The following P2RX3 variants were observed in gnomAD, a reference collection of about 807,000 sequenced individuals.
P2RX3 encodes purinergic receptor P2X 3.
In P2RX3, 41 loss-of-function variants were observed where a neutral mutation model predicts 51.5. The observed-to-expected ratio is 0.80, with a 90% CI of 0.62 to 1.03. The LOEUF (loss-of-function observed/expected upper bound fraction) is 1.03, where lower values mean the gene tolerates loss of function less well. Among genes scored for constraint, P2RX3 ranks in the 50% least tolerant of loss-of-function variants. The pLI is 0.00. For synonymous variants in P2RX3, 185 were observed against 191.6 expected, an observed-to-expected ratio of 0.97 and a Z score of 0.29; for missense variants, 459 against 522.1, an observed-to-expected ratio of 0.88 and a Z score of 1.18.
At chr11:57,340,505 A>G (rs1271034381) in intron 1 of P2RX3, 1 of 152,358 alleles carries the variant, frequency 6.6e-6, no homozygotes, top group African/African-American at 2.4e-5. Flanking sequence ...ATCTCCGTGT[A>G]TGTGAACCCA....
rs369727026 is a variant in P2RX3 at position 57,346,723 on chromosome 11, T to C, written c.255+44T>C. The stretch of plus-strand genomic sequence containing the variant: ...GAGAGGCATGTGGATGTCCAGACAC[T>C]GGGCAGGTTGGAAGGGAGAAAGCGA... On this transcript the variant is annotated intron_variant, in intron 2 of 11. Coordinates refer to ENST00000263314, the MANE Select transcript of P2RX3 (RefSeq NM_002559.5). 7 of 1,604,554 alleles carry C rather than the reference T, an allele frequency of 4.4e-6. No individual in the cohort carries two copies. In the African/African-American group the frequency reaches 8.0e-5, roughly 18 times the overall value.
intron 2 of P2RX3, among the ~76,000 whole-genome samples, 185 bp downstream of exon 2, chr11:57,346,864 A>G (rs2134415113): frequency 6.6e-6 from 1 of 152,374 alleles, no homozygotes; most frequent in Middle Eastern, 3.4e-3. Flanking sequence ...GCTGGGCATC[A>G]GGAAAGCTGG....
chr11:57,369,461 T>C, intron 11 of P2RX3, 23 bp downstream of exon 11: 3 of 1,596,980 alleles, frequency 1.9e-6, no homozygotes, highest in Non-Finnish European at 2.6e-6. Context: ...AGGGGCACCC[T>C]TGGATAAAAG....
At chr11:57,345,782 A>G (rs1293642537) in intron 1 of P2RX3, among the ~76,000 whole-genome samples, 1 of 152,158 alleles carries the variant, frequency 6.6e-6, no homozygotes, top group Non-Finnish European at 1.5e-5. Flanking sequence ...ATTATGGCTT[A>G]AAGCTGTAGG....
rs146469943 is a variant in P2RX3, at chr11:57,347,431, G to T, written c.344G>T (p.Arg115Leu). The T allele has an allele frequency of 4.5e-6, 7 of 1,559,602 alleles. No homozygotes were observed. The highest frequency in any genetic ancestry group is 6.1e-6 in the Non-Finnish European group (7 of 1,151,324). The change falls in exon 4 of 12, where the codon CGC becomes CTC. Residue 115 changes from arginine to leucine, a missense_variant. Transcript: ENST00000263314. ...GFCPESEEKY[R>L]CVSDSQCGPE... is the part of the protein sequence containing the mutation. ...TGCCCACAGAGTGAGGAGAAATACC[G>T]CTGTGTATCAGACAGCCAGTGCGGG...
At chr11:57,367,958 C>T (rs1364090026) in intron 8 of P2RX3, 51 bp from the exon 9 acceptor site, 1 of 1,445,910 alleles carries the variant, frequency 6.9e-7, no homozygotes. Flanking sequence ...AAGGTTCAGG[C>T]AGGAGAGACA....
intron 11 of P2RX3, 47 bp from the exon 12 acceptor site, chr11:57,369,837 C>A: frequency 7.5e-7 from 1 of 1,334,564 alleles, no homozygotes; most frequent in Non-Finnish European, 1.1e-6. Context: ...CAAAAGAGGA[C>A]ATTGCCCATA....
chr11:57,337,891 A>T (rs1856265109), upstream of P2RX3, among the ~76,000 whole-genome samples: 1 of 152,290 alleles, frequency 6.6e-6, no homozygotes, highest in African/African-American at 2.4e-5. Flanking sequence ...CTACAGGTAG[A>T]GCGAAGCTCA....
intron 10 of P2RX3, among the ~76,000 whole-genome samples, chr11:57,369,053 C>T (rs1262397274): frequency 6.6e-6 from 1 of 152,150 alleles, no homozygotes; most frequent in Admixed American, 6.5e-5. Context: ...CATGATAGCC[C>T]ATTAATCCAT....
At chr11:57,367,295 C>T (rs1856811962) in intron 8 of P2RX3, among the ~76,000 whole-genome samples, 1 of 152,176 alleles carries the variant, frequency 6.6e-6, no homozygotes, top group African/African-American at 2.4e-5. Flanking sequence ...GCGGCAGAGC[C>T]AGGCTTTGAG....
Position 57,369,373 on chromosome 11 carries a change from TG to T in P2RX3, c.1016del (p.Cys339LeufsTer23). On this transcript the variant is annotated frameshift_variant, in exon 11 of 12. Transcript: ENST00000263314. LOFTEE classifies it high-confidence loss of function. ...TCTCCTCCTCCAGGGAACTGTTCTC[TG>T]TGACATCATCCTGCTCAACTTCCTC... ...FTSVGVGTVL[C>X]DIILLNFLKG... 1.2e-6 allele frequency: 2 copies of T among 1,610,380 alleles called. No homozygotes were observed. The highest frequency in any genetic ancestry group is 8.5e-7 in the Non-Finnish European group (1 of 1,178,530).
At position 57,350,775 on chromosome 11, in the gene P2RX3, G is replaced by A. The variant is rs1265080398; in HGVS notation, c.719G>A (p.Gly240Asp). ...CCGTTTCTTCAGGGGGGAGTTCTGG[G>A]CATTAAGATCGGCTGGGTGTGCGAC... is the stretch of plus-strand genomic sequence containing the variant. ...AKLARTGGVL[G>D]IKIGWVCDLD... The change falls in exon 8 of 12, where the codon GGC (glycine) becomes GAC (aspartate). Residue 240 changes from glycine to aspartate, a missense_variant. Gly to Asp is a moderately conservative substitution (Grantham distance 94, BLOSUM62 -1). Coordinates refer to ENST00000263314, the MANE Select transcript of P2RX3 (RefSeq NM_002559.5). 2.5e-6 allele frequency: 4 copies of A among 1,613,914 alleles called. No individual in the cohort carries two copies. The highest frequency in any genetic ancestry group is 1.6e-4 in the Middle Eastern group (1 of 6,062).
Position 57,338,487 on chromosome 11 carries a change from G to C in P2RX3, c.-64G>C. 8.6e-7 allele frequency: 1 copy of C among 1,164,668 alleles called. No individual in the cohort carries two copies. The highest frequency in any genetic ancestry group is 1.3e-6 in the Non-Finnish European group (1 of 797,288). The allele number at this position is 1,164,668 out of a possible 1,614,324, so 72.1% of individuals were successfully genotyped here. ...GTGATCTCGTCTCCCTGTCCTGTAG[G>C]ACCTCCCTCTCCTGAGGCCACCACT... is the stretch of plus-strand genomic sequence containing the variant. On this transcript the variant is annotated 5_prime_UTR_variant, in exon 1 of 12. Transcript: ENST00000263314.
At chr11:57,336,979 G>A (rs1317564937), upstream of P2RX3, among the ~76,000 whole-genome samples, 4 of 152,122 alleles carry the variant, frequency 2.6e-5, no homozygotes, top group Non-Finnish European at 4.4e-5. Context: ...TCTCAGATTT[G>A]AGGAAACTTG....
Position 57,367,501 on chromosome 11 carries a change from A to G in P2RX3, c.843-508A>G, listed in dbSNP as rs1856814666. Reference sequence around the variant, plus strand: ...TTTTGGAGGCCGAGGCGGGTGGATCACTTGAGGTCAGGAGTTCGAGACCAG... The same window carrying G: ...TTTTGGAGGCCGAGGCGGGTGGATCGCTTGAGGTCAGGAGTTCGAGACCAG... On this transcript the variant is annotated intron_variant, in intron 8 of 11. Coordinates refer to ENST00000263314, the MANE Select transcript of P2RX3 (RefSeq NM_002559.5). Among the ~76,000 whole-genome samples the G allele has an allele frequency of 2.6e-5, 4 of 152,194 alleles. No individual in the cohort carries two copies. The South Asian group carries it at 8.3e-4, about 31-fold the overall frequency.
Position 57,368,074 on chromosome 11 carries a change from T to A in P2RX3, c.908T>A (p.Ile303Asn). Residue 303 changes from isoleucine (I) to asparagine (N), a missense_variant, in exon 9 of 12, where the codon ATC (isoleucine) becomes AAC (asparagine). Coordinates refer to ENST00000263314, the MANE Select transcript of P2RX3 (RefSeq NM_002559.5). ...EYRTLLKAFG[I>N]RFDVLVYGNA... is the part of the protein sequence containing the mutation. ...CGCACCCTCCTGAAGGCTTTTGGCATCCGCTTCGACGTGCTGGTATACGGG... is the reference window on the plus strand; with the variant it reads ...CGCACCCTCCTGAAGGCTTTTGGCAACCGCTTCGACGTGCTGGTATACGGG... The A allele has an allele frequency of 6.2e-7, 1 of 1,614,154 alleles. No individual in the cohort carries two copies. Among genetic ancestry groups the A allele is most frequent in the Non-Finnish European group, 8.5e-7 (1 of 1,180,024 alleles).
intron 9 of P2RX3, 106 bp downstream of exon 9, chr11:57,368,208 G>T: frequency 7.4e-7 from 1 of 1,345,560 alleles, no homozygotes; most frequent in Non-Finnish European, 1.1e-6. Flanking sequence ...CTGCTGGCCA[G>T]CTTTGACACC....
Position 57,338,634 on chromosome 11 carries a change from A to G in P2RX3, c.84A>G (p.Arg28=). The G allele has an allele frequency of 6.3e-7, 1 of 1,594,382 alleles. No individual in the cohort carries two copies. Among genetic ancestry groups the G allele is most frequent in the Non-Finnish European group, 8.6e-7 (1 of 1,163,860 alleles). Residue 28 remains arginine, a synonymous_variant, in exon 1 of 12, where the codon CGA becomes CGG. Transcript: ENST00000263314. ...GCTGGACCATCGGGATCATCAACCG[A>G]GTAGTTCAGCTTCTGATCATCTCCT... The part of the protein sequence containing the change: ...VKSWTIGIIN[R]VVQLLIISYF...
rs1044331078 is a variant in P2RX3, at chr11:57,348,620, C to T, written c.486-7C>T. 22 of 1,610,906 alleles carry T rather than the reference C, an allele frequency of 1.4e-5. No homozygotes were observed. The highest frequency in any genetic ancestry group is 1.7e-5 in the Non-Finnish European group (20 of 1,177,254). On this transcript the variant is annotated splice_polypyrimidine_tract_variant and splice_region_variant and intron_variant, in intron 5 of 11. Transcript: ENST00000263314. ...GGAAAGCTAAGGCCTCCTGTGCTCACCCACAGGCCCATCATGATGGAAGCT... is the reference window on the plus strand; with the variant it reads ...GGAAAGCTAAGGCCTCCTGTGCTCATCCACAGGCCCATCATGATGGAAGCT...
Sources: allele counts gnomAD v4.1 joint callset (sites outside exome capture counted in the v4.1 genomes callset), GRCh38; gene constraint gnomAD v4.1.1; transcripts MANE v1.5; gene names NCBI Gene and HGNC (gene_info 2026-07-23, HGNC 2026-07-21).